Variants in RNF130 observed in about 807,000 individuals in gnomAD.
The protein encoded by RNF130 is E3 ubiquitin-protein ligase RNF130.
RNF130 carries 21 observed loss-of-function variants against 44.6 expected under a neutral mutation model. The ratio of observed to expected loss-of-function variants is 0.47; its 90% CI spans 0.33 to 0.68. RNF130 has a LOEUF of 0.68. Among genes scored for constraint, RNF130 ranks in the 30% least tolerant of loss-of-function variants. RNF130 has a pLI of 0.02. For synonymous variants in RNF130, 214 were observed against 210.4 expected (o/e 1.02, Z -0.15); for missense variants, 479 against 560.6 (o/e 0.85, Z 1.47).
Position 179,978,256 on chromosome 5 carries a change from T to A in RNF130, c.795A>T (p.Ala265=), listed in dbSNP as rs769219684. 6.2e-7 allele frequency: 1 copy of A among 1,614,054 alleles called. No individual in the cohort carries two copies. Residue 265 remains alanine, a synonymous_variant, in exon 5 of 9, where the codon GCA becomes GCT. Transcript: ENST00000521389. ...KETDPDFDHC[A]VCIESYKQND... is the part of the protein sequence containing the mutation. The stretch of plus-strand genomic sequence containing the variant: ...TCTGCTTATAGCTCTCTATGCAGAC[T>A]GCACAATGATCAAAGTCTGGGTCAG...
intron 8 of RNF130, among the ~76,000 whole-genome samples, chr5:179,958,957 A>T (rs1353510296): frequency 6.6e-6 from 1 of 152,128 alleles, no homozygotes; most frequent in Non-Finnish European, 1.5e-5. Context: ...CTGGGATTAT[A>T]GGTGTTAGCT....
exon 8 of RNF130, chr5:179,913,924 C>T (rs905660633): frequency 1.3e-5 from 2 of 152,268 alleles, no homozygotes; most frequent in Non-Finnish European, 2.9e-5. Flanking sequence ...CTGTAGTTGC[C>T]TCGGACAGTA....
chr5:180,061,592 G>A (rs1413794486), intron 1 of RNF130, among the ~76,000 whole-genome samples: 2 of 152,178 alleles, frequency 1.3e-5, no homozygotes, highest in African/African-American at 2.4e-5. Context: ...TGCACCCGCC[G>A]GTTTGTGGCA....
intron 7 of RNF130, among the ~76,000 whole-genome samples, chr5:179,966,250 C>T (rs140631454): frequency 5.3e-5 from 8 of 152,198 alleles, no homozygotes; most frequent in African/African-American, 1.7e-4. Context: ...GGCAGATTGT[C>T]CTTTGGCTTT....
At chr5:180,049,491 A>AT (rs1764641400) in intron 1 of RNF130, among the ~76,000 whole-genome samples, 1 of 152,226 alleles carries the variant, frequency 6.6e-6, no homozygotes, top group Admixed American at 6.5e-5. Flanking sequence ...GTTATTGCAA[A>AT]TACTGCAAAA....
intron 2 of RNF130, among the ~76,000 whole-genome samples, chr5:180,016,559 A>T (rs986634115): frequency 6.6e-6 from 1 of 152,154 alleles, no homozygotes; most frequent in African/African-American, 2.4e-5. Flanking sequence ...CGCCAGTACT[A>T]ACTGTCAGAG....
intron 3 of RNF130, among the ~76,000 whole-genome samples, chr5:180,004,296 C>T (rs980616841): frequency 2.0e-5 from 3 of 152,216 alleles, no homozygotes; most frequent in Non-Finnish European, 4.4e-5. Context: ...GTACTTCACA[C>T]TGTGCCCTAT....
chr5:179,966,314 T>G (rs1198240491), intron 7 of RNF130, among the ~76,000 whole-genome samples: 1 of 152,144 alleles, frequency 6.6e-6, no homozygotes. Context: ...GAGACCAAAC[T>G]TCCATAAAAA....
At chr5:179,963,095 C>A (rs1762370563) in intron 8 of RNF130, among the ~76,000 whole-genome samples, 1 of 152,242 alleles carries the variant, frequency 6.6e-6, no homozygotes, top group African/African-American at 2.4e-5. Context: ...ACATGCCAGG[C>A]TCCAGATGTG....
chr5:179,986,047 T>C (rs910103990), intron 3 of RNF130, among the ~76,000 whole-genome samples: 6 of 151,818 alleles, frequency 4.0e-5, no homozygotes, highest in Admixed American at 3.9e-4. Context: ...TCTCCAGTGC[T>C]ATATCCTTTG....
intron 4 of RNF130, 40 bp downstream of exon 4, chr5:179,980,089 G>C: frequency 6.4e-7 from 1 of 1,571,788 alleles, no homozygotes; most frequent in Non-Finnish European, 8.7e-7. Flanking sequence ...CAAAACTGCT[G>C]GATTACTTTT....
At chr5:180,052,188 T>C (rs1764700691) in intron 1 of RNF130, among the ~76,000 whole-genome samples, 1 of 152,242 alleles carries the variant, frequency 6.6e-6, no homozygotes, top group Non-Finnish European at 1.5e-5. Context: ...TGCCTTCGAC[T>C]ACCACCTGTG....
chr5:180,019,944 G>A (rs1203594656), intron 2 of RNF130, among the ~76,000 whole-genome samples: 1 of 152,218 alleles, frequency 6.6e-6, no homozygotes, highest in Non-Finnish European at 1.5e-5. Flanking sequence ...AAAGTGACTG[G>A]AATAGTGGTT....
chr5:179,913,234 T>C (rs1761494178), exon 8 of RNF130: 1 of 152,308 alleles, frequency 6.6e-6, no homozygotes, highest in South Asian at 2.1e-4. Flanking sequence ...CCTAGAGCTT[T>C]TGTGGTACAG....
chr5:180,015,002 A>G (rs1429842244), intron 2 of RNF130, among the ~76,000 whole-genome samples: 1 of 152,172 alleles, frequency 6.6e-6, no homozygotes, highest in Non-Finnish European at 1.5e-5. Flanking sequence ...AGAGAAATAC[A>G]ACAGTAAAAG....
At chr5:180,055,855 G>A (rs1382762538) in intron 1 of RNF130, among the ~76,000 whole-genome samples, 1 of 152,084 alleles carries the variant, frequency 6.6e-6, no homozygotes, top group Non-Finnish European at 1.5e-5. Context: ...AGGCTGAGGT[G>A]GGTGGATCAT....
intron 7 of RNF130, among the ~76,000 whole-genome samples, chr5:179,944,226 C>T (rs1762006969): frequency 6.6e-6 from 1 of 152,120 alleles, no homozygotes; most frequent in Non-Finnish European, 1.5e-5. Flanking sequence ...GCCTTGGCCT[C>T]CCAAAGTGTT....
chr5:179,943,422 T>C (rs1440336841), intron 7 of RNF130, among the ~76,000 whole-genome samples: 1 of 152,232 alleles, frequency 6.6e-6, no homozygotes. Context: ...GACGTGGACT[T>C]TCTACCTTCC....
chr5:179,914,410 A>T (rs1748009197), exon 8 of RNF130: 1 of 152,232 alleles, frequency 6.6e-6, no homozygotes, highest in South Asian at 2.1e-4. Context: ...AGGAAATCAT[A>T]CTCAATTGCT....
Sources: gnomAD v4.1 joint callset for allele counts (sites outside exome capture counted in the v4.1 genomes callset) on GRCh38, gnomAD v4.1.1 for gene constraint, MANE v1.5 for transcripts, NCBI Gene and HGNC (gene_info 2026-07-23, HGNC 2026-07-21) for gene names.